The following DHDDS variants were observed in gnomAD, a reference collection of about 807,000 sequenced individuals.
The protein encoded by DHDDS is dehydrodolichyl diphosphate synthase complex subunit DHDDS.
Under a neutral mutation model 46.2 loss-of-function variants are expected in DHDDS, and 16 were observed. The ratio of observed to expected loss-of-function variants is 0.35; its 90% CI spans 0.23 to 0.53. The LOEUF (loss-of-function observed/expected upper bound fraction) is 0.53. DHDDS is among the 20% of genes least tolerant of loss of function. The pLI, the probability that DHDDS is intolerant of heterozygous loss-of-function variation, is 0.94. For synonymous variants in DHDDS, 151 were observed against 163.1 expected (o/e 0.93, Z 0.56); for missense variants, 340 against 423.7 (o/e 0.80, Z 1.73).
At chr1:26,463,177 G>T (rs995125865) in intron 8 of DHDDS, among the ~76,000 whole-genome samples, 16 of 152,126 alleles carry the variant, frequency 1.1e-4, no homozygotes, top group Admixed American at 2.0e-4. Flanking sequence ...AATTTTCAAC[G>T]GGCTGGAGTT....
intron 3 of DHDDS, among the ~76,000 whole-genome samples, chr1:26,441,072 G>T (rs748355334): frequency 1.3e-5 from 2 of 152,002 alleles, no homozygotes; most frequent in Non-Finnish European, 2.9e-5. Flanking sequence ...TTACAGGCCT[G>T]CGCCACCACA....
In DHDDS at chr1:26,469,434, C is replaced by G. The variant is rs961152986; in HGVS notation, c.*303C>G. The G allele has an allele frequency of 1.4e-5, 7 of 495,370 alleles. No individual in the cohort carries two copies. The highest frequency in any genetic ancestry group is 2.6e-5 in the Non-Finnish European group (7 of 269,874). 30.7% of individuals were successfully genotyped at this position (495,370 alleles called of 1,614,324 possible). A position where few individuals can be genotyped will look rare whatever the true frequency, so the allele number is the denominator to read the frequency against. On this transcript the variant is annotated 3_prime_UTR_variant, in exon 9 of 9. Coordinates refer to ENST00000236342, the MANE Select transcript of DHDDS (RefSeq NM_205861.3). ...GCTGCCTGTCTCTTAGATGCACTTTCTTTTTCCACCAGCACATCCTTCAAC... is the reference window on the plus strand; with the variant it reads ...GCTGCCTGTCTCTTAGATGCACTTTGTTTTTCCACCAGCACATCCTTCAAC...
At chr1:26,438,366 G>A in intron 3 of DHDDS, 82 bp downstream of exon 3, 1 of 1,281,372 alleles carries the variant, frequency 7.8e-7, no homozygotes, top group Non-Finnish European at 1.1e-6. Flanking sequence ...TGAGTTTGCT[G>A]TGGTTGGAGA....
intron 7 of DHDDS, 88 bp downstream of exon 7, chr1:26,457,993 C>A: frequency 8.7e-7 from 1 of 1,151,222 alleles, no homozygotes; most frequent in Non-Finnish European, 1.3e-6. Context: ...ATCCCCACTC[C>A]CAAACAGGCT....
chr1:26,454,647 A>G lies in DHDDS; in HGVS notation c.543-3144A>G, dbSNP rs200290490. On this transcript the variant is annotated intron_variant, in intron 6 of 8. Transcript: ENST00000236342. Reference sequence around the variant, plus strand: ...TTAATGCTGAATTTACTCCTGTGCCATAAGTTTTTGTTTCTTCAGTTTCTT... The same window carrying G: ...TTAATGCTGAATTTACTCCTGTGCCGTAAGTTTTTGTTTCTTCAGTTTCTT... 114 of 1,329,736 alleles carry G rather than the reference A, an allele frequency of 8.6e-5. No individual in the cohort carries two copies. In the East Asian group the frequency reaches 1.5e-3, roughly 17 times the overall value. The allele number at this position is 1,329,736 out of a possible 1,614,324, so 82.4% of individuals were successfully genotyped here. A position where few individuals can be genotyped will look rare whatever the true frequency, so the allele number is the denominator to read the frequency against.
At chr1:26,436,466 C>T (rs1362261594) in intron 2 of DHDDS, among the ~76,000 whole-genome samples, 1 of 152,174 alleles carries the variant, frequency 6.6e-6, no homozygotes, top group East Asian at 1.9e-4. Context: ...CTCTGTCATC[C>T]AGGCTGGAGT....
intron 8 of DHDDS, among the ~76,000 whole-genome samples, chr1:26,465,609 T>G (rs1173063794): frequency 6.6e-6 from 1 of 152,202 alleles, no homozygotes; most frequent in Non-Finnish European, 1.5e-5. Flanking sequence ...TGCAGGTTTG[T>G]GATAGGGATT....
chr1:26,458,173 G>C (rs2075388987), intron 7 of DHDDS, among the ~76,000 whole-genome samples: 1 of 152,222 alleles, frequency 6.6e-6, no homozygotes, highest in Admixed American at 6.5e-5. Context: ...TTGCATCCCT[G>C]AGCGTAAGCT....
At chr1:26,436,740 C>G (rs888882750) in intron 2 of DHDDS, among the ~76,000 whole-genome samples, 9 of 151,706 alleles carry the variant, frequency 5.9e-5, no homozygotes, top group Non-Finnish European at 1.3e-4. Context: ...GACCCTGTTT[C>G]AAAGAAAAAA....
At chr1:26,443,639 C>T (rs1362062940) in intron 4 of DHDDS, among the ~76,000 whole-genome samples, 2 of 152,128 alleles carry the variant, frequency 1.3e-5, no homozygotes, top group Non-Finnish European at 2.9e-5. Flanking sequence ...GATGAGAGAA[C>T]AGTGAGCCTA....
At chr1:26,463,856 T>C (rs1337572348) in intron 8 of DHDDS, among the ~76,000 whole-genome samples, 1 of 151,976 alleles carries the variant, frequency 6.6e-6, no homozygotes, top group East Asian at 1.9e-4. Context: ...AATAATAATG[T>C]TATTAGGAAC....
chr1:26,450,029 TCAGA>T (rs1482422873), intron 6 of DHDDS, among the ~76,000 whole-genome samples: 2 of 152,188 alleles, frequency 1.3e-5, no homozygotes, highest in Non-Finnish European at 2.9e-5. Flanking sequence ...AGGTCAACAG[TCAGA>T]CAGAGATGTC....
intron 4 of DHDDS, among the ~76,000 whole-genome samples, chr1:26,443,447 C>T (rs1262497430): frequency 1.3e-5 from 2 of 152,182 alleles, no homozygotes; most frequent in South Asian, 4.1e-4. Flanking sequence ...TATGGGGAAG[C>T]ATCAGTACCA....
At chr1:26,459,768 T>C (rs375177232) in intron 7 of DHDDS, among the ~76,000 whole-genome samples, 2 of 152,212 alleles carry the variant, frequency 1.3e-5, no homozygotes, top group Non-Finnish European at 2.9e-5. Flanking sequence ...AATTGGCTCT[T>C]AGAAAAATCC....
intron 5 of DHDDS, among the ~76,000 whole-genome samples, chr1:26,446,674 C>G (rs2075271979): frequency 6.6e-6 from 1 of 151,448 alleles, no homozygotes; most frequent in African/African-American, 2.4e-5. Context: ...CTCTGCCCAG[C>G]CCCCACCAAA....
At chr1:26,447,269 G>A (rs151189969) in intron 5 of DHDDS, among the ~76,000 whole-genome samples, 195 of 152,126 alleles carry the variant, frequency 1.3e-3, no homozygotes, top group Middle Eastern at 3.4e-3. Context: ...GCAGTGAGTC[G>A]AGATCACGCC....
intron 6 of DHDDS, among the ~76,000 whole-genome samples, chr1:26,453,407 A>C (rs957103814): frequency 3.3e-5 from 5 of 152,156 alleles, no homozygotes; most frequent in African/African-American, 1.2e-4. Context: ...TTGTTTCCTC[A>C]GGATCTGAGT....
chr1:26,436,401 T>TTTG lies in DHDDS; in HGVS notation c.64-1765_64-1764insGTT, dbSNP rs2075155499. ...CCTTGGGTAATAGAGTAAGACTCTGTTTTGTTTGTTTGTTTGTTTGTTTGT... is the reference window on the plus strand; with the variant it reads ...CCTTGGGTAATAGAGTAAGACTCTGTTTGTTTGTTTGTTTGTTTGTTTGTTTGT... On this transcript the variant is annotated intron_variant, in intron 2 of 8. Coordinates refer to ENST00000236342, the MANE Select transcript of DHDDS (RefSeq NM_205861.3). 3.4e-5 allele frequency among the ~76,000 whole-genome samples: 5 copies of TTTG among 147,998 alleles called. No homozygotes were observed. In the South Asian group the frequency reaches 6.6e-4, roughly 19 times the overall value.
chr1:26,435,256 C>T lies in DHDDS; in HGVS notation c.63+2248C>T, dbSNP rs531366174. Among the ~76,000 whole-genome samples, 10 of 151,874 alleles carry T rather than the reference C, an allele frequency of 6.6e-5. No homozygotes were observed. The South Asian group carries it at 1.7e-3, about 25-fold the overall frequency. ...TAAACTCCTGACCTCGTGATCCACC[C>T]GCCTCGGCCTCCCAAAGTGCTGGGA... On this transcript the variant is annotated intron_variant, in intron 2 of 8. Coordinates refer to ENST00000236342, the MANE Select transcript of DHDDS (RefSeq NM_205861.3).
Sources: gnomAD v4.1 joint callset for allele counts (sites outside exome capture counted in the v4.1 genomes callset) on GRCh38, gnomAD v4.1.1 for gene constraint, MANE v1.5 for transcripts, NCBI Gene and HGNC (gene_info 2026-07-23, HGNC 2026-07-21) for gene names.